The following MNAT1 variants were observed in gnomAD, a reference collection of about 807,000 sequenced individuals.
MNAT1 encodes the protein CDK-activating kinase assembly factor MAT1.
In MNAT1, 43 loss-of-function variants were observed where a neutral mutation model predicts 42.0. The observed-to-expected ratio is 1.02, with a 90% CI of 0.80 to 1.32. The LOEUF (loss-of-function observed/expected upper bound fraction) is 1.32. Among genes scored for constraint, MNAT1 ranks in the 40% most tolerant of loss-of-function variants. The pLI is 0.00. For missense variants in MNAT1, 306 were observed against 350.4 expected (o/e 0.87, Z 1.01); for synonymous variants, 118 against 120.0 (o/e 0.98, Z 0.11).
At position 60,808,432 on chromosome 14, in the gene MNAT1, G is replaced by A. The variant is rs199696540; in HGVS notation, c.420+4G>A. ...TCAGAAAAATAAATTAAAGCTGGTC[G>A]GTTGCTAAGTATTTTCTTCTTATTT... On this transcript the variant is annotated splice_donor_region_variant and intron_variant, in intron 4 of 7. Transcript: ENST00000261245. The A allele has an allele frequency of 1.2e-5, 17 of 1,474,356 alleles. No homozygotes were observed. Among genetic ancestry groups the A allele is most frequent in the African/African-American group, 7.2e-5 (5 of 69,400 alleles). 91.3% of individuals were successfully genotyped at this position (1,474,356 alleles called of 1,614,324 possible).
chr14:60,952,666 C>T (rs2036405786), intron 7 of MNAT1, among the ~76,000 whole-genome samples: 1 of 152,002 alleles, frequency 6.6e-6, no homozygotes, highest in African/African-American at 2.4e-5. Flanking sequence ...AAGGTGAGTT[C>T]GATTATGAAA....
intron 7 of MNAT1, among the ~76,000 whole-genome samples, chr14:60,896,242 G>A (rs1171425242): frequency 1.3e-5 from 2 of 152,108 alleles, no homozygotes; most frequent in African/African-American, 4.8e-5. Context: ...CTGTGCCAGT[G>A]GGAGCAAGCA....
At chr14:60,802,514 T>G (rs559339956) in intron 3 of MNAT1, among the ~76,000 whole-genome samples, 8 of 152,294 alleles carry the variant, frequency 5.3e-5, no homozygotes, top group Admixed American at 2.0e-4. Flanking sequence ...AGTTAAGATT[T>G]TATCTTGTGG....
chr14:60,800,574 T>C (rs542288405), intron 3 of MNAT1, among the ~76,000 whole-genome samples: 1 of 152,096 alleles, frequency 6.6e-6, no homozygotes, highest in African/African-American at 2.4e-5. Flanking sequence ...AACTGAACAA[T>C]ATAGATGACA....
At chr14:60,856,462 A>G (rs2033960640) in intron 6 of MNAT1, among the ~76,000 whole-genome samples, 1 of 152,218 alleles carries the variant, frequency 6.6e-6, no homozygotes, top group Non-Finnish European at 1.5e-5. Flanking sequence ...GAATTTAAGG[A>G]AAGATGCCAT....
chr14:60,831,831 T>A (rs977792235), intron 6 of MNAT1, among the ~76,000 whole-genome samples: 1 of 152,274 alleles, frequency 6.6e-6, no homozygotes, highest in African/African-American at 2.4e-5. Flanking sequence ...ACACCCTCTC[T>A]AGCATCTATT....
Position 60,815,641 on chromosome 14 carries a change from T to C in MNAT1, c.562-3081T>C, listed in dbSNP as rs550678319. Among the ~76,000 whole-genome samples the C allele has an allele frequency of 2.0e-5, 3 of 152,364 alleles. No individual in the cohort carries two copies. The South Asian group carries it at 6.2e-4, about 32-fold the overall frequency. ...AACTACCATTGTTGTACATTGTGTG[T>C]AATCTGGAGTTAATATTGATTTTTG... On this transcript the variant is annotated intron_variant, in intron 5 of 7. Transcript: ENST00000261245.
chr14:60,737,830 A>G (rs953112253), intron 1 of MNAT1, among the ~76,000 whole-genome samples: 2 of 151,330 alleles, frequency 1.3e-5, no homozygotes, highest in African/African-American at 4.9e-5. Flanking sequence ...ACCAACTTGG[A>G]CAACATAGGG....
intron 6 of MNAT1, among the ~76,000 whole-genome samples, chr14:60,842,801 A>G (rs1361463328): frequency 6.6e-6 from 1 of 152,222 alleles, no homozygotes; most frequent in Non-Finnish European, 1.5e-5. Context: ...CATTTAATAT[A>G]CCTAACCTGC....
chr14:60,778,928 T>A (rs568346655), intron 1 of MNAT1, among the ~76,000 whole-genome samples: 1 of 152,330 alleles, frequency 6.6e-6, no homozygotes, highest in East Asian at 1.9e-4. Flanking sequence ...TCATACCCAA[T>A]CCTTACTTGA....
chr14:60,915,988 C>T (rs1220414225), intron 7 of MNAT1, among the ~76,000 whole-genome samples: 1 of 152,198 alleles, frequency 6.6e-6, no homozygotes, highest in East Asian at 1.9e-4. Context: ...GCTCTCATCT[C>T]CCTACAACTG....
At chr14:60,907,170 G>A (rs531105326) in intron 7 of MNAT1, among the ~76,000 whole-genome samples, 2 of 152,026 alleles carry the variant, frequency 1.3e-5, no homozygotes, top group African/African-American at 2.4e-5. Context: ...AGCTGGACAC[G>A]GTGGTTCACA....
At chr14:60,882,986 G>A (rs1178791932) in intron 7 of MNAT1, among the ~76,000 whole-genome samples, 1 of 151,998 alleles carries the variant, frequency 6.6e-6, no homozygotes, top group Admixed American at 6.6e-5. Flanking sequence ...GGTTAATAAT[G>A]CCTTGTCAGA....
At chr14:60,817,920 AAG>A (rs759129127) in intron 5 of MNAT1, among the ~76,000 whole-genome samples, 1 of 151,386 alleles carries the variant, frequency 6.6e-6, no homozygotes, top group Non-Finnish European at 1.5e-5. Context: ...GTGTGTAGGA[AAG>A]AGAGAGAGAG....
At chr14:60,852,395 T>C (rs1431701093) in intron 6 of MNAT1, among the ~76,000 whole-genome samples, 1 of 152,132 alleles carries the variant, frequency 6.6e-6, no homozygotes, top group Non-Finnish European at 1.5e-5. Flanking sequence ...TTGTTGTTGC[T>C]GTTTTTTTCT....
chr14:60,954,127 C>G lies in MNAT1; in HGVS notation c.810-14102C>G, dbSNP rs538869466. ...TTAGCTTTGTAGTATACTTTGAGATCAGGTGATATTTACATGCCTCTTTGT... is the reference window on the plus strand; with the variant it reads ...TTAGCTTTGTAGTATACTTTGAGATGAGGTGATATTTACATGCCTCTTTGT... On this transcript the variant is annotated intron_variant, in intron 7 of 7. Coordinates refer to ENST00000261245, the MANE Select transcript of MNAT1 (RefSeq NM_002431.4). 3.3e-5 allele frequency among the ~76,000 whole-genome samples: 5 copies of G among 152,184 alleles called. No individual in the cohort carries two copies. In the East Asian group the frequency reaches 9.7e-4, roughly 29 times the overall value.
intron 6 of MNAT1, among the ~76,000 whole-genome samples, chr14:60,821,928 G>C (rs193131854): frequency 6.6e-6 from 1 of 152,254 alleles, no homozygotes; most frequent in East Asian, 1.9e-4. Flanking sequence ...TTTGGGTCAA[G>C]AAGAATTTGA....
intron 7 of MNAT1, among the ~76,000 whole-genome samples, chr14:60,941,585 A>G (rs1438327281): frequency 6.6e-6 from 1 of 151,998 alleles, no homozygotes; most frequent in Non-Finnish European, 1.5e-5. Context: ...ATGCGCCTAT[A>G]GTCCTAGCTA....
At position 60,822,281 on chromosome 14, in the gene MNAT1, AG is replaced by A. The variant is rs1399625342; in HGVS notation, c.687+3435del. Among the ~76,000 whole-genome samples, 4 of 152,214 alleles carry A rather than the reference AG, an allele frequency of 2.6e-5. No individual in the cohort carries two copies. In the East Asian group the frequency reaches 7.7e-4, roughly 29 times the overall value. On this transcript the variant is annotated intron_variant, in intron 6 of 7. Coordinates refer to ENST00000261245, the MANE Select transcript of MNAT1 (RefSeq NM_002431.4). ...ATGAATTGGAATGGCGAGATGTAAA[AG>A]TTTTTGAAGATCACTGATTAATAAA...
Sources: gnomAD v4.1 joint callset for allele counts (sites outside exome capture counted in the v4.1 genomes callset) on GRCh38, gnomAD v4.1.1 for gene constraint, MANE v1.5 for transcripts, NCBI Gene and HGNC (gene_info 2026-07-23, HGNC 2026-07-21) for gene names.